The following HAO1 variants were observed in gnomAD, a reference collection of about 807,000 sequenced individuals.
HAO1 encodes the protein hydroxyacid oxidase 1, also known as 2-Hydroxyacid oxidase 1.
In HAO1, 34 loss-of-function variants were observed where a neutral mutation model predicts 39.7. The ratio of observed to expected loss-of-function variants is 0.86; its 90% CI spans 0.65 to 1.14. The LOEUF (loss-of-function observed/expected upper bound fraction) is 1.14, where lower values mean the gene tolerates loss of function less well. Ranked by LOEUF, HAO1 falls within the 50% of genes most tolerant of loss-of-function variation. The pLI is 0.00. For synonymous variants in HAO1, 172 were observed against 173.2 expected (o/e 0.99, Z 0.05); for missense variants, 479 against 464.5 (o/e 1.03, Z -0.29).
intron 2 of HAO1, among the ~76,000 whole-genome samples, chr20:7,920,912 A>T (rs2050328149): frequency 1.3e-5 from 2 of 152,176 alleles, no homozygotes; most frequent in Non-Finnish European, 2.9e-5. Flanking sequence ...TCTGGATCAT[A>T]TGGCAATTCT....
intron 5 of HAO1, among the ~76,000 whole-genome samples, chr20:7,893,410 T>C (rs1487869196): frequency 6.6e-6 from 1 of 152,196 alleles, no homozygotes; most frequent in Non-Finnish European, 1.5e-5. Context: ...CTAGGCTGCC[T>C]TTGCAGGACT....
chr20:7,924,547 T>C (rs1251211639), intron 2 of HAO1, among the ~76,000 whole-genome samples: 3 of 151,918 alleles, frequency 2.0e-5, no homozygotes, highest in South Asian at 2.1e-4. Flanking sequence ...CACAAAACAA[T>C]AGAGGGAAAT....
chr20:7,894,135 C>CG (rs2122755262), intron 5 of HAO1, among the ~76,000 whole-genome samples: 1 of 152,248 alleles, frequency 6.6e-6, no homozygotes, highest in African/African-American at 2.4e-5. Context: ...ACCCCACCAA[C>CG]GGCCCCCGGC....
intron 1 of HAO1, among the ~76,000 whole-genome samples, chr20:7,938,174 T>C (rs1314105236): frequency 1.3e-5 from 2 of 152,182 alleles, no homozygotes; most frequent in East Asian, 3.8e-4. Context: ...ATTTCCTTCA[T>C]GCCATCAACC....
chr20:7,891,739 G>C (rs1200617383), intron 5 of HAO1, among the ~76,000 whole-genome samples: 1 of 152,158 alleles, frequency 6.6e-6, no homozygotes, highest in Non-Finnish European at 1.5e-5. Flanking sequence ...AGCCCTTCTA[G>C]ACGTGTCCAT....
intron 2 of HAO1, among the ~76,000 whole-genome samples, chr20:7,930,827 A>C (rs904083118): frequency 3.9e-5 from 6 of 152,184 alleles, no homozygotes. Context: ...TGCAACAGAT[A>C]ATGTCAGGCA....
intron 2 of HAO1, among the ~76,000 whole-genome samples, chr20:7,926,756 G>C (rs78679005): frequency 0.013 from 1,992 of 152,138 alleles, 38 homozygotes; most frequent in African/African-American, 0.043. Flanking sequence ...GAATGTTCTG[G>C]CCTTTTAGGC....
chr20:7,938,296 C>T (rs149710594), intron 1 of HAO1, among the ~76,000 whole-genome samples: 1 of 152,122 alleles, frequency 6.6e-6, no homozygotes, highest in African/African-American at 2.4e-5. Context: ...CAAAAGAGGA[C>T]ACATTGCAAA....
intron 4 of HAO1, among the ~76,000 whole-genome samples, chr20:7,900,071 CAG>C (rs1391122005): frequency 6.6e-6 from 1 of 152,146 alleles, no homozygotes; most frequent in East Asian, 1.9e-4. Context: ...TGTTCTGACT[CAG>C]AGGAGAGTAG....
intron 5 of HAO1, among the ~76,000 whole-genome samples, chr20:7,893,113 C>T (rs1220859694): frequency 3.3e-5 from 5 of 152,142 alleles, no homozygotes; most frequent in Non-Finnish European, 1.5e-5. Flanking sequence ...CCCAATGACT[C>T]ATAATAGTCA....
Position 7,906,228 on chromosome 20 carries a change from G to T in HAO1, c.647C>A (p.Ser216Tyr). The T allele has an allele frequency of 1.9e-6, 3 of 1,612,068 alleles. No homozygotes were observed. Among genetic ancestry groups the T allele is most frequent in the African/African-American group, 1.3e-5 (1 of 75,010 alleles). Reference protein sequence around the residue: ...AAYVAKAIDPSISWEDIKWLR... With the variant: ...AAYVAKAIDPYISWEDIKWLR... ...CCATTTGATATCTTCCCAGCTGATA[G>T]ATGGGTCTATTGCTTTAGCCACATA... Residue 216 changes from serine to tyrosine, a missense_variant, in exon 4 of 8, where the codon TCT (serine) becomes TAT (tyrosine). Physicochemically the swap from Ser to Tyr is moderately radical, Grantham distance 144 (BLOSUM62 -2). Transcript: ENST00000378789.
Position 7,906,343 on chromosome 20 carries a change from T to C in HAO1, c.546-14A>G. 6.8e-7 allele frequency: 1 copy of C among 1,476,960 alleles called. No individual in the cohort carries two copies. Among genetic ancestry groups the C allele is most frequent in the East Asian group, 2.3e-5 (1 of 44,128 alleles). 91.5% of individuals were successfully genotyped at this position (1,476,960 alleles called of 1,614,324 possible). On this transcript the variant is annotated splice_polypyrimidine_tract_variant and intron_variant, in intron 3 of 7. Transcript: ENST00000378789. ...AAATTTTTCATCCTAAAATAAGAAA[T>C]GCATAAAATGAGAAATTTGCCAAAT...
At chr20:7,898,916 G>A (rs535968677) in intron 4 of HAO1, among the ~76,000 whole-genome samples, 1 of 149,506 alleles carries the variant, frequency 6.7e-6, no homozygotes, top group African/African-American at 2.5e-5. Context: ...ATCTAGTTAT[G>A]TACAGGATCC....
chr20:7,891,796 C>T (rs1187504086), intron 5 of HAO1, among the ~76,000 whole-genome samples: 2 of 152,098 alleles, frequency 1.3e-5, no homozygotes, highest in East Asian at 1.9e-4. Flanking sequence ...GGCTATTTTT[C>T]CCTTAAAATC....
chr20:7,927,581 C>A (rs1031827402), intron 2 of HAO1, among the ~76,000 whole-genome samples: 1 of 151,938 alleles, frequency 6.6e-6, no homozygotes. Flanking sequence ...TATTTTTTTC[C>A]ACTTTAAAAG....
At chr20:7,892,174 C>T (rs1300564124) in intron 5 of HAO1, among the ~76,000 whole-genome samples, 1 of 152,134 alleles carries the variant, frequency 6.6e-6, no homozygotes, top group East Asian at 1.9e-4. Context: ...CAACCTCCAA[C>T]CCCCTGGTTC....
intron 4 of HAO1, among the ~76,000 whole-genome samples, chr20:7,902,961 G>T (rs1014554047): frequency 6.6e-6 from 1 of 152,190 alleles, no homozygotes; most frequent in African/African-American, 2.4e-5. Flanking sequence ...CTTCACAGTT[G>T]CTCATGATTT....
intron 3 of HAO1, among the ~76,000 whole-genome samples, chr20:7,907,354 C>A (rs1054900129): frequency 1.3e-5 from 2 of 152,050 alleles, no homozygotes; most frequent in Non-Finnish European, 2.9e-5. Flanking sequence ...AGTGTAAATA[C>A]CCCAGCTCCC....
chr20:7,895,767 G>T (rs1450257775), intron 4 of HAO1, among the ~76,000 whole-genome samples: 6 of 152,094 alleles, frequency 3.9e-5, no homozygotes, highest in African/African-American at 1.2e-4. Context: ...TAAAAAATTG[G>T]CCAGGTGCAG....
Sources: allele counts gnomAD v4.1 joint callset (sites outside exome capture counted in the v4.1 genomes callset), GRCh38; gene constraint gnomAD v4.1.1; transcripts MANE v1.5; gene names NCBI Gene and HGNC (gene_info 2026-07-23, HGNC 2026-07-21).